Variants in DIP2C observed in about 807,000 individuals in gnomAD.
The protein encoded by DIP2C is disco-interacting protein 2 homolog C.
DIP2C carries 33 observed loss-of-function variants against 192.4 expected under a neutral mutation model. The ratio of observed to expected loss-of-function variants is 0.17; its 90% confidence interval spans 0.13 to 0.23. The LOEUF is 0.23. DIP2C is among the 10% of genes least tolerant of loss of function. The probability of loss-of-function intolerance (pLI) is 1.00; values close to 1 mark genes in which losing one functional copy is unlikely to be tolerated. For missense variants in DIP2C, 1,537 were observed against 2,110.1 expected, an observed-to-expected ratio of 0.73 and a Z score of 5.32; for synonymous variants, 979 against 864.1, an observed-to-expected ratio of 1.13 and a Z score of -2.33.
intron 24 of DIP2C, among the ~76,000 whole-genome samples, chr10:351,262 C>A (rs1338435655): frequency 2.6e-5 from 4 of 152,164 alleles, no homozygotes; most frequent in Admixed American, 2.6e-4. Flanking sequence ...TCGAAGGGCC[C>A]GTGTCAGAAA....
At chr10:667,959 C>T (rs945799090) in intron 1 of DIP2C, 5 of 151,952 alleles carry the variant, frequency 3.3e-5, no homozygotes, top group African/African-American at 4.8e-5. Context: ...ACACACAACA[C>T]ACGCAACTCA....
At chr10:338,712 C>T (rs941770656) in intron 29 of DIP2C, among the ~76,000 whole-genome samples, 18 of 152,184 alleles carry the variant, frequency 1.2e-4, no homozygotes, top group Admixed American at 5.9e-4. Flanking sequence ...CGATCTCCCT[C>T]GGCTGCTGCC....
At chr10:312,635 C>T (rs1200899842) in intron 31 of DIP2C, among the ~76,000 whole-genome samples, 2 of 152,176 alleles carry the variant, frequency 1.3e-5, no homozygotes, top group African/African-American at 2.4e-5. Flanking sequence ...AAAAGAAAAT[C>T]ACGATTCCAC....
At chr10:400,835 TCAC>T (rs1351930849) in intron 9 of DIP2C, among the ~76,000 whole-genome samples, 3 of 151,700 alleles carry the variant, frequency 2.0e-5, no homozygotes, top group Non-Finnish European at 2.9e-5. Context: ...TATGTGTTCC[TCAC>T]CACATGAATC....
intron 4 of DIP2C, among the ~76,000 whole-genome samples, chr10:434,441 G>A (rs997428310): frequency 1.3e-5 from 2 of 152,064 alleles, no homozygotes; most frequent in African/African-American, 2.4e-5. Flanking sequence ...CAGCCACCAT[G>A]TTTGGCTTTT....
rs185969677 is a variant in DIP2C at position 396,919 on chromosome 10, C to T, written c.1260+2190G>A. ...CAGACTCCCCTGCCTCTGCCAGACA[C>T]GAGCATACTCAGGAGGCCAAGCATG... is the stretch of plus-strand genomic sequence containing the variant. On this transcript the variant is annotated intron_variant, in intron 10 of 36. Coordinates refer to ENST00000280886, the MANE Select transcript of DIP2C (RefSeq NM_014974.3). Among the ~76,000 whole-genome samples the T allele has an allele frequency of 1.1e-4, 17 of 152,160 alleles. No homozygotes were observed. The South Asian group carries it at 1.2e-3, about 11-fold the overall frequency.
chr10:394,543 CT>C (rs1963804076), intron 10 of DIP2C, among the ~76,000 whole-genome samples: 16 of 44,634 alleles, frequency 3.6e-4, no homozygotes, highest in East Asian at 9.7e-4. Flanking sequence ...GAAGCCTGCT[CT>C]GTGCTGAACC....
At chr10:383,980 G>T (rs772205506) in intron 16 of DIP2C, 47 bp downstream of exon 16, 4 of 1,312,922 alleles carry the variant, frequency 3.0e-6, no homozygotes, top group Non-Finnish European at 1.9e-6. Context: ...AAAAAAAAAA[G>T]ACTCCACAGC....
intron 32 of DIP2C, among the ~76,000 whole-genome samples, chr10:308,355 TCAC>T (rs1956420666): frequency 6.6e-6 from 1 of 151,858 alleles, no homozygotes; most frequent in Non-Finnish European, 1.5e-5. Context: ...CTATGTACTC[TCAC>T]TTCCATTTCA....
intron 1 of DIP2C, among the ~76,000 whole-genome samples, chr10:530,357 G>C (rs866191190): frequency 3.3e-5 from 5 of 152,140 alleles, no homozygotes; most frequent in Admixed American, 2.0e-4. Flanking sequence ...ATTAATGGAA[G>C]AATCACCTAA....
chr10:356,453 G>A lies in DIP2C; in HGVS notation c.2958C>T (p.His986=), dbSNP rs775808948. 8.7e-6 allele frequency: 14 copies of A among 1,611,860 alleles called. No homozygotes were observed. In the East Asian group the frequency reaches 3.1e-4, roughly 36 times the overall value. Residue 986 remains histidine (H), a synonymous_variant, in exon 24 of 37, where the codon CAC becomes CAT. Transcript: ENST00000280886. ...GACAGTTGAGCAGCGTGTAGAGGAT[G>A]TGGTCCGGGGTGGTCTGTGCTCTCC... The part of the protein sequence containing the change: ...LQWRAQTTPD[H]ILYTLLNCRG...
chr10:472,018 A>C (rs920442572), intron 3 of DIP2C, among the ~76,000 whole-genome samples: 2 of 152,206 alleles, frequency 1.3e-5, no homozygotes, highest in Non-Finnish European at 2.9e-5. Context: ...ACGGCATCAT[A>C]AAACACAGAT....
rs371603541 is a variant in DIP2C, at chr10:281,192, C to G, written c.4418+8G>C. ...GATTTGGGTACAAGCTGCAAGCTCACGACTTACCATTCCGTAACGCTTTTA... is the reference window on the plus strand; with the variant it reads ...GATTTGGGTACAAGCTGCAAGCTCAGGACTTACCATTCCGTAACGCTTTTA... On this transcript the variant is annotated splice_region_variant and intron_variant, in intron 36 of 36. Transcript: ENST00000280886. 1.2e-6 allele frequency: 2 copies of G among 1,613,770 alleles called. No homozygotes were observed. The highest frequency in any genetic ancestry group is 1.1e-5 in the South Asian group (1 of 91,070).
chr10:615,616 C>A (rs7083145), intron 1 of DIP2C, among the ~76,000 whole-genome samples: 1 of 150,394 alleles, frequency 6.6e-6, no homozygotes, highest in African/African-American at 2.5e-5. Context: ...GGTTCATATA[C>A]ACACACACAC....
chr10:414,707 ATGTGTGTGTG>A lies in DIP2C; in HGVS notation c.860-607_860-598del, dbSNP rs71199933. ...CCAGCTAATTTTAGAGTGTGTATGTATGTGTGTGTGTGTGTGTGTGTGTGTGTGTGTGTAC... is the reference window on the plus strand; with the variant it reads ...CCAGCTAATTTTAGAGTGTGTATGTATGTGTGTGTGTGTGTGTGTGTGTAC... On this transcript the variant is annotated intron_variant, in intron 7 of 36. Transcript: ENST00000280886. Among the ~76,000 whole-genome samples the A allele has an allele frequency of 4.2e-3, 200 of 47,822 alleles. 3 individuals carry two copies. In the East Asian group the frequency reaches 0.052, roughly 12 times the overall value. 31.4% of individuals were successfully genotyped at this position (47,822 alleles called of 152,430 possible).
intron 1 of DIP2C, among the ~76,000 whole-genome samples, chr10:550,197 A>C (rs934447053): frequency 6.6e-6 from 1 of 151,980 alleles, no homozygotes; most frequent in African/African-American, 2.4e-5. Flanking sequence ...TTTAGTAGAG[A>C]CAGGATTTCA....
intron 10 of DIP2C, among the ~76,000 whole-genome samples, chr10:394,068 C>T (rs1278561978): frequency 6.6e-6 from 1 of 152,190 alleles, no homozygotes; most frequent in African/African-American, 2.4e-5. Flanking sequence ...GGGTATTGGG[C>T]CAAAGGAACT....
At chr10:447,243 A>T (rs1968312651) in intron 3 of DIP2C, among the ~76,000 whole-genome samples, 1 of 148,856 alleles carries the variant, frequency 6.7e-6, no homozygotes. Context: ...AGGATCACAC[A>T]CAGTGGGGCA....
chr10:343,199 G>C (rs1958246360), intron 28 of DIP2C, among the ~76,000 whole-genome samples: 1 of 152,248 alleles, frequency 6.6e-6, no homozygotes, highest in South Asian at 2.1e-4. Flanking sequence ...TGAGGCAGGA[G>C]AATCGCTTGA....
Sources: gnomAD v4.1 joint callset for allele counts (sites outside exome capture counted in the v4.1 genomes callset) on GRCh38, gnomAD v4.1.1 for gene constraint, MANE v1.5 for transcripts, NCBI Gene and HGNC (gene_info 2026-07-23, HGNC 2026-07-21) for gene names.